DMD: variants seen among roughly 807,000 people sequenced by gnomAD.
DMD encodes mutant dystrophin.
In DMD, 63 loss-of-function variants were observed where a neutral mutation model predicts 330.1. The observed-to-expected ratio is 0.19, with a 90% CI of 0.16 to 0.24. The LOEUF (loss-of-function observed/expected upper bound fraction) is 0.24. Among genes scored for constraint, DMD ranks in the 10% least tolerant of loss-of-function variants. DMD has a pLI of 1.00. For missense variants in DMD, 3,344 were observed against 2,684.1 expected (o/e 1.25, Z -5.43); for synonymous variants, 1,223 against 959.8 (o/e 1.27, Z -5.07).
intron 60 of DMD, among the ~76,000 whole-genome samples, chrX:31,358,017 A>T (rs1170442294): frequency 9.4e-6 from 1 of 106,851 alleles, no homozygotes; most frequent in Non-Finnish European, 1.9e-5. Context: ...AACCAGAATT[A>T]AAACTCTGCC....
chrX:32,080,198 T>G (rs193240035), intron 44 of DMD, among the ~76,000 whole-genome samples: 1 of 112,457 alleles, frequency 8.9e-6, no homozygotes, highest in Non-Finnish European at 1.9e-5. Flanking sequence ...CAAGTATGAC[T>G]TGTGTTTATC....
intron 2 of DMD, among the ~76,000 whole-genome samples, chrX:32,870,909 C>T (rs1269130510): frequency 4.8e-5 from 3 of 62,442 alleles, no homozygotes; most frequent in African/African-American, 2.0e-4. Flanking sequence ...TCAATTGCAA[C>T]AAAACTAAAA....
At chrX:32,632,452 C>T (rs1027832157) in intron 11 of DMD, among the ~76,000 whole-genome samples, 4 of 112,289 alleles carry the variant, frequency 3.6e-5, no homozygotes, top group African/African-American at 1.3e-4. Context: ...AGGCAATGCC[C>T]CAGTGGGGAC....
intron 18 of DMD, among the ~76,000 whole-genome samples, 162 bp from the exon 19 acceptor site, chrX:32,502,004 T>A (rs188722153): frequency 1.2e-4 from 14 of 112,191 alleles, no homozygotes; most frequent in Admixed American, 1.2e-3. Flanking sequence ...ATCAAAAACA[T>A]CAAAATGGCA....
At chrX:32,737,986 A>G (rs1043963513) in intron 7 of DMD, among the ~76,000 whole-genome samples, 3 of 111,896 alleles carry the variant, frequency 2.7e-5, no homozygotes, top group African/African-American at 9.7e-5. Context: ...AGATTCAAAA[A>G]CGGCTTCATA....
intron 1 of DMD, among the ~76,000 whole-genome samples, chrX:33,273,242 C>A (rs971551637): frequency 8.9e-6 from 1 of 111,987 alleles, no homozygotes; most frequent in African/African-American, 3.2e-5. Context: ...ATACTTCCAA[C>A]CCTGGTTATA....
At chrX:31,639,270 G>A (rs1384550116) in intron 54 of DMD, among the ~76,000 whole-genome samples, 1 of 111,572 alleles carries the variant, frequency 9.0e-6, no homozygotes, top group Admixed American at 9.6e-5. Context: ...TGTGGAGAGG[G>A]AATGAAGATG....
intron 60 of DMD, among the ~76,000 whole-genome samples, chrX:31,434,418 GCACACACACACACACACA>G (rs10572572): frequency 0.025 from 1,924 of 78,053 alleles, 50 homozygotes; most frequent in East Asian, 0.06. Context: ...CAGCGCGCGC[GCACACACACACACACACA>G]CACACACACA....
At chrX:32,662,105 C>A (rs2060985764) in intron 9 of DMD, among the ~76,000 whole-genome samples, 1 of 111,221 alleles carries the variant, frequency 9.0e-6, no homozygotes, top group African/African-American at 3.3e-5. Flanking sequence ...TCAAAATAGC[C>A]TCTAGTGGAA....
At chrX:32,570,362 A>C (rs995812429) in intron 15 of DMD, among the ~76,000 whole-genome samples, 1 of 110,449 alleles carries the variant, frequency 9.1e-6, no homozygotes, top group Admixed American at 9.7e-5. Context: ...TAATTGGCTT[A>C]AACTATCAAA....
intron 1 of DMD, among the ~76,000 whole-genome samples, chrX:33,129,325 C>CTTTTTTTTTTTTTTTTTTTTTTTTTTT (rs58505662): frequency 3.3e-5 from 1 of 30,715 alleles, no homozygotes; most frequent in Admixed American, 6.5e-4. Context: ...TTAAGGTTTG[C>CTTTTTTTTTTTTTTTTTTTTTTTTTTT]TTTTTTTTTT....
At chrX:31,126,360 GA>G (rs1320425666) in intron 78 of DMD, among the ~76,000 whole-genome samples, 1 of 111,670 alleles carries the variant, frequency 9.0e-6, no homozygotes, top group African/African-American at 3.3e-5. Flanking sequence ...AACAGATGAT[GA>G]ACGGCAGGAT....
At chrX:33,094,533 G>A (rs978443827) in intron 1 of DMD, among the ~76,000 whole-genome samples, 33 of 111,728 alleles carry the variant, frequency 3.0e-4, no homozygotes, top group Admixed American at 1.1e-3. Flanking sequence ...AAGGCCGGGC[G>A]CGGTGGCTCA....
At chrX:32,486,648 C>CA (rs2042505062) in intron 20 of DMD, among the ~76,000 whole-genome samples, 1 of 108,154 alleles carries the variant, frequency 9.2e-6, no homozygotes, top group African/African-American at 3.4e-5. Flanking sequence ...GGTACCAAAA[C>CA]AGAGATATAG....
At chrX:32,870,428 ACT>A (rs932383689) in intron 2 of DMD, among the ~76,000 whole-genome samples, 1 of 111,868 alleles carries the variant, frequency 8.9e-6, no homozygotes, top group African/African-American at 3.2e-5. Context: ...AAAAAAGAAA[ACT>A]GTTTTAAAAT....
Position 31,588,507 on chromosome X carries a change from G to GCCTATTCTA in DMD, c.8217+39157_8217+39165dup, listed in dbSNP as rs1487126215. On this transcript the variant is annotated intron_variant, in intron 55 of 78. Transcript: ENST00000357033. Reference sequence around the variant, plus strand: ...TCCAGTCCTAAACTTGCTCAGACTTGCCTATTCTACCTCACTCATTTCTTT... The same window carrying GCCTATTCTA: ...TCCAGTCCTAAACTTGCTCAGACTTGCCTATTCTACCTATTCTACCTCACTCATTTCTTT... Among the ~76,000 whole-genome samples the GCCTATTCTA allele has an allele frequency of 2.7e-5, 3 of 111,308 alleles. 1 individual carries two copies. Among genetic ancestry groups the GCCTATTCTA allele is most frequent in the African/African-American group, 9.8e-5 (3 of 30,632 alleles).
At chrX:33,145,787 A>C (rs1403038305) in intron 1 of DMD, among the ~76,000 whole-genome samples, 1 of 110,792 alleles carries the variant, frequency 9.0e-6, no homozygotes, top group Non-Finnish European at 1.9e-5. Context: ...TTATTGAGCT[A>C]TAACTCACAC....
rs56051257 is a variant in DMD at position 32,827,063 on chromosome X, C to A, written c.265-3676G>T. On this transcript the variant is annotated intron_variant, in intron 4 of 78. Coordinates refer to ENST00000357033, the MANE Select transcript of DMD (RefSeq NM_004006.3). ...CATTGGAACACACATCGCACCCCCC[C>A]CCCACACACACACACACACAGCAGC... 7.4e-3 allele frequency among the ~76,000 whole-genome samples: 378 copies of A among 50,774 alleles called. 14 individuals are homozygous for A. Among genetic ancestry groups the A allele is most frequent in the African/African-American group, 0.025 (343 of 13,892 alleles). 44.1% of individuals were successfully genotyped at this position (50,774 alleles called of 115,157 possible).
chrX:32,485,216 C>T lies in DMD; in HGVS notation c.2623-117G>A, dbSNP rs929314037. The T allele has an allele frequency of 1.1e-5, 7 of 664,441 alleles. No homozygotes were observed. In the African/African-American group the frequency reaches 1.5e-4, roughly 14 times the overall value. 54.8% of individuals were successfully genotyped at this position (664,441 alleles called of 1,213,427 possible). ...TTAGCTTAATACCCTTCACAAATAT[C>T]TGATAAGAAACATCCATGACAGTAT... On this transcript the variant is annotated intron_variant, in intron 20 of 78. Transcript: ENST00000357033.
Sources: allele counts gnomAD v4.1 joint callset (sites outside exome capture counted in the v4.1 genomes callset), GRCh38; gene constraint gnomAD v4.1.1; transcripts MANE v1.5; gene names NCBI Gene and HGNC (gene_info 2026-07-23, HGNC 2026-07-21).